ARHGEF4: variants seen among roughly 807,000 people sequenced by gnomAD.
ARHGEF4 encodes APC-stimulated guanine nucleotide exchange factor 1.
Under a neutral mutation model 162.0 loss-of-function variants are expected in ARHGEF4, and 119 were observed. The ratio of observed to expected loss-of-function variants is 0.73; its 90% CI spans 0.63 to 0.86. The LOEUF is 0.86. Among genes scored for constraint, ARHGEF4 ranks in the 40% least tolerant of loss-of-function variants. The pLI, the probability that ARHGEF4 is intolerant of heterozygous loss-of-function variation, is 0.00. For missense variants in ARHGEF4, 2,488 were observed against 2,456.0 expected (o/e 1.01, Z -0.28); for synonymous variants, 1,014 against 979.9 (o/e 1.03, Z -0.65).
At chr2:130,949,548 G>C (rs1297473765) in intron 4 of ARHGEF4, among the ~76,000 whole-genome samples, 2 of 151,890 alleles carry the variant, frequency 1.3e-5, no homozygotes, top group African/African-American at 4.8e-5. Context: ...TAGAGACAGG[G>C]TTTCACTGTG....
chr2:130,841,951 T>G (rs1680641467), intron 1 of ARHGEF4, among the ~76,000 whole-genome samples: 2 of 152,220 alleles, frequency 1.3e-5, no homozygotes, highest in Admixed American at 6.5e-5. Context: ...TGGCCTGGGT[T>G]GATGCTCTTC....
At chr2:130,872,253 A>C (rs1221983582) in intron 1 of ARHGEF4, among the ~76,000 whole-genome samples, 1 of 152,138 alleles carries the variant, frequency 6.6e-6, no homozygotes, top group South Asian at 2.1e-4. Flanking sequence ...GCTGGCAGAG[A>C]GGGTGTGTGA....
intron 4 of ARHGEF4, among the ~76,000 whole-genome samples, chr2:131,010,255 CTG>C (rs2105330438): frequency 6.6e-6 from 1 of 152,300 alleles, no homozygotes; most frequent in African/African-American, 2.4e-5. Context: ...AGGTTTCTCT[CTG>C]TGTTTTAGCC....
At chr2:130,903,379 C>G (rs572662744) in intron 1 of ARHGEF4, among the ~76,000 whole-genome samples, 5 of 152,138 alleles carry the variant, frequency 3.3e-5, no homozygotes, top group South Asian at 2.1e-4. Flanking sequence ...CCTGCCTCAG[C>G]CTCCCGCATA....
intron 4 of ARHGEF4, among the ~76,000 whole-genome samples, chr2:130,998,186 C>T (rs1235290291): frequency 6.6e-6 from 1 of 152,108 alleles, no homozygotes; most frequent in Admixed American, 6.5e-5. Flanking sequence ...ATTTCCTAAC[C>T]TTTTAGCATG....
intron 5 of ARHGEF4, among the ~76,000 whole-genome samples, chr2:131,034,146 GCA>G: frequency 6.6e-6 from 1 of 152,236 alleles, no homozygotes; most frequent in East Asian, 1.9e-4. Context: ...CACCCAGTCT[GCA>G]CACATTCCCT....
At chr2:130,978,380 T>C (rs1425115865) in intron 4 of ARHGEF4, among the ~76,000 whole-genome samples, 2 of 152,232 alleles carry the variant, frequency 1.3e-5, no homozygotes, top group African/African-American at 4.8e-5. Flanking sequence ...TCCACACTTC[T>C]GCCAAAGACA....
In ARHGEF4 at chr2:131,047,051, C is replaced by T. The variant is rs1238224658; in HGVS notation, c.*862C>T. 2 of 152,492 alleles carry T rather than the reference C, an allele frequency of 1.3e-5. No individual in the cohort carries two copies. The highest frequency in any genetic ancestry group is 2.9e-5 in the Non-Finnish European group (2 of 68,038). The allele number at this position is 152,492 out of a possible 1,614,324, so 9.4% of individuals were successfully genotyped here. On this transcript the variant is annotated 3_prime_UTR_variant, in exon 14 of 14. Coordinates refer to ENST00000409359, the MANE Select transcript of ARHGEF4 (RefSeq NM_001367493.1). ...AGAGAGACCGAATTCTGTGGCTCAG[C>T]ACACAGGACTGACCCACAGCCCAGG...
intron 4 of ARHGEF4, among the ~76,000 whole-genome samples, chr2:130,956,703 A>C (rs886894419): frequency 2.2e-4 from 34 of 152,084 alleles, no homozygotes; most frequent in Admixed American, 2.6e-4. Context: ...CATCATTCTC[A>C]GTAAACTATC....
At chr2:130,843,734 G>T (rs1312474995) in intron 1 of ARHGEF4, among the ~76,000 whole-genome samples, 1 of 152,226 alleles carries the variant, frequency 6.6e-6, no homozygotes, top group Non-Finnish European at 1.5e-5. Flanking sequence ...CATCTCCAAA[G>T]GTTGTTCTCT....
chr2:131,038,965 C>T lies in ARHGEF4; in HGVS notation c.4238C>T (p.Thr1413Ile), dbSNP rs1690526200. Residue 1413 changes from threonine (T) to isoleucine (I), a missense_variant, in exon 6 of 14, where the codon ACC becomes ATC. Physicochemically the swap from Thr to Ile is moderately conservative, Grantham distance 89. Coordinates refer to ENST00000409359, the MANE Select transcript of ARHGEF4 (RefSeq NM_001367493.1). The part of the protein sequence containing the change: ...AGDVIEVMDA[T>I]NREWWWGRVA... Reference sequence around the variant, plus strand: ...GACGTCATCGAAGTGATGGATGCCACCAACAGAGAGTGGTGGTGGGGCCGG... The same window carrying T: ...GACGTCATCGAAGTGATGGATGCCATCAACAGAGAGTGGTGGTGGGGCCGG... 1 of 1,613,776 alleles carries T rather than the reference C, an allele frequency of 6.2e-7. No homozygotes were observed. Among genetic ancestry groups the T allele is most frequent in the Non-Finnish European group, 8.5e-7 (1 of 1,179,998 alleles).
intron 4 of ARHGEF4, among the ~76,000 whole-genome samples, chr2:131,019,603 A>T (rs1247468310): frequency 8.1e-5 from 12 of 148,624 alleles, no homozygotes; most frequent in African/African-American, 3.0e-4. Flanking sequence ...GGTTAAGTTT[A>T]TTCCTAAGTA....
rs190030481 is a variant in ARHGEF4, at chr2:130,900,926, G to C, written c.40-13060G>C. 2.0e-5 allele frequency among the ~76,000 whole-genome samples: 3 copies of C among 152,218 alleles called. No homozygotes were observed. The East Asian group carries it at 5.8e-4, about 29-fold the overall frequency. On this transcript the variant is annotated intron_variant, in intron 1 of 13. Coordinates refer to ENST00000409359, the MANE Select transcript of ARHGEF4 (RefSeq NM_001367493.1). ...TTCTGAGCATTTGCAATGCTATCCT[G>C]GTTGGCTTCTCGCTTCTGCTTGGGC...
intron 4 of ARHGEF4, among the ~76,000 whole-genome samples, chr2:130,966,110 G>A (rs1479435096): frequency 1.3e-5 from 2 of 152,128 alleles, no homozygotes; most frequent in African/African-American, 4.8e-5. Flanking sequence ...GGGGAGTGCT[G>A]GTCAGTAACC....
At chr2:130,842,484 T>C (rs1039071413) in intron 1 of ARHGEF4, among the ~76,000 whole-genome samples, 2 of 152,198 alleles carry the variant, frequency 1.3e-5, no homozygotes, top group African/African-American at 4.8e-5. Context: ...GAGTGTGTTA[T>C]TACCTCACTT....
intron 5 of ARHGEF4, 145 bp from the exon 6 acceptor site, chr2:131,038,708 C>G: frequency 1.2e-6 from 1 of 845,580 alleles, no homozygotes. Context: ...GAAAGCCCTG[C>G]TCCTGTCAGA....
chr2:130,844,824 G>GTATA (rs1049657755), intron 1 of ARHGEF4, among the ~76,000 whole-genome samples: 5 of 150,684 alleles, frequency 3.3e-5, no homozygotes, highest in African/African-American at 9.8e-5. Context: ...ATATATATAT[G>GTATA]TATATATATA....
At chr2:130,837,599 C>G in intron 1 of ARHGEF4, 2 of 451,526 alleles carry the variant, frequency 4.4e-6, no homozygotes, top group Non-Finnish European at 8.9e-6. Flanking sequence ...TCAGTTGGGA[C>G]GCCTCCACCT....
At chr2:130,973,655 A>G (rs548333971) in intron 4 of ARHGEF4, among the ~76,000 whole-genome samples, 1 of 152,264 alleles carries the variant, frequency 6.6e-6, no homozygotes, top group South Asian at 2.1e-4. Flanking sequence ...ACAGCATAAC[A>G]TTTCCAAAAT....
Sources: gnomAD v4.1 joint callset for allele counts (sites outside exome capture counted in the v4.1 genomes callset) on GRCh38, gnomAD v4.1.1 for gene constraint, MANE v1.5 for transcripts, NCBI Gene and HGNC (gene_info 2026-07-23, HGNC 2026-07-21) for gene names.